Variants in EBF1 observed in about 807,000 individuals in gnomAD.
EBF1 encodes transcription factor COE1.
Under a neutral mutation model 68.4 loss-of-function variants are expected in EBF1, and 10 were observed. The ratio of observed to expected loss-of-function variants is 0.15; its 90% confidence interval spans 0.09 to 0.25. EBF1 has a LOEUF of 0.25. Among genes scored for constraint, EBF1 ranks in the 10% least tolerant of loss-of-function variants. The pLI is 1.00. For missense variants in EBF1, 509 were observed against 794.4 expected, an observed-to-expected ratio of 0.64 and a Z score of 4.32; for synonymous variants, 298 against 299.8, an observed-to-expected ratio of 0.99 and a Z score of 0.06.
intron 11 of EBF1, among the ~76,000 whole-genome samples, chr5:158,720,809 G>A (rs1349094577): frequency 6.6e-6 from 1 of 152,074 alleles, no homozygotes; most frequent in Non-Finnish European, 1.5e-5. Flanking sequence ...ACATAAATGA[G>A]GTATAGGTAG....
intron 6 of EBF1, among the ~76,000 whole-genome samples, chr5:158,919,323 T>C (rs1427598964): frequency 6.6e-6 from 1 of 151,772 alleles, no homozygotes; most frequent in Non-Finnish European, 1.5e-5. Flanking sequence ...TAACATGTGG[T>C]CTAAGTAGCC....
chr5:158,848,793 T>G (rs1792038196), intron 6 of EBF1, among the ~76,000 whole-genome samples: 1 of 152,228 alleles, frequency 6.6e-6, no homozygotes, highest in Non-Finnish European at 1.5e-5. Flanking sequence ...AATTTCACTT[T>G]TCCCTTCTAA....
At chr5:158,838,100 C>A (rs143519389) in intron 7 of EBF1, among the ~76,000 whole-genome samples, 2 of 152,210 alleles carry the variant, frequency 1.3e-5, no homozygotes, top group East Asian at 1.9e-4. Flanking sequence ...AATGAGAACA[C>A]CAAGTTTGAA....
chr5:158,991,597 A>G (rs992341831), intron 6 of EBF1, among the ~76,000 whole-genome samples: 1 of 152,258 alleles, frequency 6.6e-6, no homozygotes, highest in Non-Finnish European at 1.5e-5. Flanking sequence ...AACATTGCCA[A>G]AAGATGACAG....
At chr5:158,784,451 A>G (rs1420108065) in intron 9 of EBF1, among the ~76,000 whole-genome samples, 1 of 152,128 alleles carries the variant, frequency 6.6e-6, no homozygotes, top group Non-Finnish European at 1.5e-5. Flanking sequence ...GCCACTCAAA[A>G]CAACTTTCCT....
chr5:158,936,645 T>G (rs1019995548), intron 6 of EBF1, among the ~76,000 whole-genome samples: 1 of 152,170 alleles, frequency 6.6e-6, no homozygotes, highest in Non-Finnish European at 1.5e-5. Context: ...CACTCCTATT[T>G]CATAGTCATG....
At chr5:158,782,692 CAAAT>C (rs1341206029) in intron 9 of EBF1, among the ~76,000 whole-genome samples, 1 of 151,926 alleles carries the variant, frequency 6.6e-6, no homozygotes, top group Non-Finnish European at 1.5e-5. Flanking sequence ...AAATAAAAAA[CAAAT>C]TAAGTAGTTA....
At chr5:158,925,866 C>T (rs1809587893) in intron 6 of EBF1, among the ~76,000 whole-genome samples, 1 of 152,188 alleles carries the variant, frequency 6.6e-6, no homozygotes, top group African/African-American at 2.4e-5. Context: ...GAAGGTCATG[C>T]TCTTGGAAGA....
chr5:159,038,172 C>T (rs71593324), intron 6 of EBF1, among the ~76,000 whole-genome samples: 12,479 of 152,194 alleles, frequency 0.082, 531 homozygotes, highest in Middle Eastern at 0.12. Context: ...CCTAAACTCA[C>T]GGCCCACCAT....
In EBF1 at chr5:158,968,989, A is replaced by G. The variant is rs71593318; in HGVS notation, c.554+104407T>C. On this transcript the variant is annotated intron_variant, in intron 6 of 15. Transcript: ENST00000313708. ...TACCAACCTAGCCTGGATACCACTG[A>G]AAATACAAATATCAAGAGTTTCTCA... is the stretch of plus-strand genomic sequence containing the variant. 7.9e-5 allele frequency among the ~76,000 whole-genome samples: 12 copies of G among 152,320 alleles called. No individual in the cohort carries two copies. In the East Asian group the frequency reaches 2.1e-3, roughly 27 times the overall value.
At chr5:159,045,913 C>T (rs967572647) in intron 6 of EBF1, among the ~76,000 whole-genome samples, 13 of 152,130 alleles carry the variant, frequency 8.5e-5, no homozygotes, top group African/African-American at 3.1e-4. Context: ...GACAGTTCAC[C>T]TTGATTCTCT....
rs753714441 is a variant in EBF1 at position 158,978,835 on chromosome 5, C to CACACACAGAGAGAG, written c.554+94560_554+94561insCTCTCTCTGTGTGT. Among the ~76,000 whole-genome samples the CACACACAGAGAGAG allele has an allele frequency of 8.3e-3, 1,220 of 146,906 alleles. 26 individuals are homozygous for CACACACAGAGAGAG. The highest frequency in any genetic ancestry group is 0.031 in the African/African-American group (1,180 of 38,404). On this transcript the variant is annotated intron_variant, in intron 6 of 15. Coordinates refer to ENST00000313708, the MANE Select transcript of EBF1 (RefSeq NM_024007.5). ...ACACACACACACACACACACACACA[C>CACACACAGAGAGAG]AGAGAGAGAGTCCACAGTTCTCTTT...
At chr5:159,099,207 G>T in intron 1 of EBF1, 138 bp downstream of exon 1, 1 of 587,368 alleles carries the variant, frequency 1.7e-6, no homozygotes, top group Non-Finnish European at 2.5e-6. Flanking sequence ...GAGCCCCGGC[G>T]GAGAGCGGAG....
At chr5:158,720,185 G>A (rs879848544) in intron 11 of EBF1, among the ~76,000 whole-genome samples, 2 of 151,914 alleles carry the variant, frequency 1.3e-5, no homozygotes, top group Non-Finnish European at 2.9e-5. Flanking sequence ...CTTCGTATAG[G>A]GTTTACTGCA....
intron 6 of EBF1, among the ~76,000 whole-genome samples, chr5:158,908,389 G>C (rs987643452): frequency 6.6e-6 from 1 of 152,118 alleles, no homozygotes; most frequent in African/African-American, 2.4e-5. Flanking sequence ...CTTGGCTGAG[G>C]GGTGTCAATA....
chr5:158,735,537 T>C (rs7714346), intron 10 of EBF1, among the ~76,000 whole-genome samples: 38,066 of 151,894 alleles, frequency 0.25, 6,516 homozygotes, highest in African/African-American at 0.49. Context: ...AACAGGAGAG[T>C]AAGCTTGCAG....
At chr5:159,040,883 A>G (rs1771068028) in intron 6 of EBF1, among the ~76,000 whole-genome samples, 1 of 152,208 alleles carries the variant, frequency 6.6e-6, no homozygotes, top group Admixed American at 6.5e-5. Context: ...TGGGGGTGAC[A>G]TATACTCATG....
chr5:158,844,188 C>T (rs1582472238), intron 6 of EBF1, among the ~76,000 whole-genome samples: 4 of 126,348 alleles, frequency 3.2e-5, no homozygotes, highest in African/African-American at 3.0e-5. Flanking sequence ...TAACTCAAGC[C>T]TTTTTTTTTT....
chr5:158,799,256 T>C (rs1188604908), intron 8 of EBF1, among the ~76,000 whole-genome samples: 5 of 152,014 alleles, frequency 3.3e-5, no homozygotes, highest in Admixed American at 6.6e-5. Context: ...AGTAAGACTC[T>C]GTCTCTTGAA....
Sources: gnomAD v4.1 joint callset for allele counts (sites outside exome capture counted in the v4.1 genomes callset) on GRCh38, gnomAD v4.1.1 for gene constraint, MANE v1.5 for transcripts, NCBI Gene and HGNC (gene_info 2026-07-23, HGNC 2026-07-21) for gene names.